Variants in CNTNAP2 observed in about 807,000 individuals in gnomAD.
CNTNAP2 encodes the protein contactin-associated protein-like 2.
Under a neutral mutation model 155.2 loss-of-function variants are expected in CNTNAP2, and 98 were observed. The ratio of observed to expected loss-of-function variants is 0.63; its 90% CI spans 0.54 to 0.75. The LOEUF (loss-of-function observed/expected upper bound fraction) is 0.75, where lower values mean the gene tolerates loss of function less well. CNTNAP2 is among the 30% of genes least tolerant of loss of function. The probability of loss-of-function intolerance (pLI) is 0.00; values close to 1 mark genes in which losing one functional copy is unlikely to be tolerated. For synonymous variants in CNTNAP2, 651 were observed against 631.2 expected (o/e 1.03, Z -0.47); for missense variants, 1,727 against 1,688.1 (o/e 1.02, Z -0.40).
intron 9 of CNTNAP2, among the ~76,000 whole-genome samples, chr7:147,381,469 G>T (rs2116932411): frequency 6.6e-6 from 1 of 152,136 alleles, no homozygotes; most frequent in South Asian, 2.1e-4. Context: ...GCAGTTTGTG[G>T]ATATAAGGAA....
intron 1 of CNTNAP2, among the ~76,000 whole-genome samples, chr7:146,218,540 C>CA (rs78215145): frequency 0.69 from 104,639 of 151,084 alleles, 37,039 homozygotes; most frequent in East Asian, 0.93. Flanking sequence ...AACAAACAAA[C>CA]AAAAAAAATT....
chr7:148,208,177 G>A (rs1795485979), intron 18 of CNTNAP2, among the ~76,000 whole-genome samples: 1 of 152,236 alleles, frequency 6.6e-6, no homozygotes, highest in African/African-American at 2.4e-5. Context: ...GCCCAAGAGA[G>A]AACAGATGCA....
intron 1 of CNTNAP2, among the ~76,000 whole-genome samples, chr7:146,174,503 G>A (rs930962505): frequency 2.0e-5 from 3 of 152,082 alleles, no homozygotes; most frequent in Non-Finnish European, 4.4e-5. Context: ...TTGCCAGCAT[G>A]AGCCAATGCA....
In CNTNAP2 at chr7:146,932,787, C is replaced by G. The variant is rs570914432; in HGVS notation, c.402+92883C>G. On this transcript the variant is annotated intron_variant, in intron 3 of 23. Coordinates refer to ENST00000361727, the MANE Select transcript of CNTNAP2 (RefSeq NM_014141.6). Reference sequence around the variant, plus strand: ...CAAAAATCACAAGCATTCTTATACACCAATAACAGACAAACAGAGAGCCAA... The same window carrying G: ...CAAAAATCACAAGCATTCTTATACAGCAATAACAGACAAACAGAGAGCCAA... Among the ~76,000 whole-genome samples, 150 of 152,124 alleles carry G rather than the reference C, an allele frequency of 9.9e-4. 2 individuals are homozygous for G. Among genetic ancestry groups the G allele is most frequent in the African/African-American group, 3.1e-3 (127 of 41,480 alleles).
At chr7:147,725,778 TC>T (rs1331660300) in intron 13 of CNTNAP2, among the ~76,000 whole-genome samples, 1 of 152,058 alleles carries the variant, frequency 6.6e-6, no homozygotes, top group Admixed American at 6.6e-5. Context: ...CTTCCTGTAT[TC>T]CCACTCTGCT....
At chr7:146,239,582 A>G (rs1386004287) in intron 1 of CNTNAP2, among the ~76,000 whole-genome samples, 2 of 152,102 alleles carry the variant, frequency 1.3e-5, no homozygotes, top group Non-Finnish European at 2.9e-5. Flanking sequence ...CCTCCAGCCT[A>G]CCTCAGTGCT....
At chr7:146,728,611 C>CAA (rs35250478) in intron 1 of CNTNAP2, among the ~76,000 whole-genome samples, 122 of 115,182 alleles carry the variant, frequency 1.1e-3, no homozygotes, top group African/African-American at 2.4e-3. Flanking sequence ...TTTTAGGCTG[C>CAA]AAAAAAAAAA....
At chr7:147,878,474 A>G (rs539975853) in intron 13 of CNTNAP2, among the ~76,000 whole-genome samples, 12 of 152,106 alleles carry the variant, frequency 7.9e-5, no homozygotes, top group Non-Finnish European at 1.6e-4. Flanking sequence ...GTATTCCTTG[A>G]AAGAAAGTTA....
chr7:148,234,116 C>A (rs1388021378), intron 20 of CNTNAP2, among the ~76,000 whole-genome samples: 1 of 152,160 alleles, frequency 6.6e-6, no homozygotes. Context: ...TTCTTTATAG[C>A]AGTGCAAGAA....
intron 1 of CNTNAP2, among the ~76,000 whole-genome samples, chr7:146,330,532 A>G (rs1050643008): frequency 3.3e-5 from 5 of 152,324 alleles, no homozygotes; most frequent in African/African-American, 1.2e-4. Flanking sequence ...AAAGTATGAT[A>G]CAAGGACAGA....
intron 13 of CNTNAP2, among the ~76,000 whole-genome samples, chr7:147,668,134 T>C (rs1254655031): frequency 1.3e-5 from 2 of 151,920 alleles, no homozygotes; most frequent in African/African-American, 4.8e-5. Flanking sequence ...AACATATAGC[T>C]GAAGAAGAGG....
intron 13 of CNTNAP2, among the ~76,000 whole-genome samples, chr7:147,812,441 G>A (rs1275373776): frequency 6.6e-6 from 1 of 151,322 alleles, no homozygotes; most frequent in Non-Finnish European, 1.5e-5. Context: ...AGGTCAGCCG[G>A]AGATGTTTAC....
chr7:147,198,132 TTATAAAATGGAATA>T (rs1440887924), intron 8 of CNTNAP2, among the ~76,000 whole-genome samples: 7 of 152,044 alleles, frequency 4.6e-5, no homozygotes, highest in African/African-American at 7.2e-5. Context: ...AAACGTTTAT[TTATAAAATGGAATA>T]TATAAAATGT....
At chr7:147,775,228 AAT>A (rs111749761) in intron 13 of CNTNAP2, among the ~76,000 whole-genome samples, 10,330 of 110,130 alleles carry the variant, frequency 0.094, 1,061 homozygotes, top group East Asian at 0.21. Flanking sequence ...ATACAAAAGA[AAT>A]ATATATATAT....
At chr7:146,843,037 G>A (rs1231270043) in intron 3 of CNTNAP2, among the ~76,000 whole-genome samples, 1 of 80,140 alleles carries the variant, frequency 1.2e-5, no homozygotes, top group Non-Finnish European at 2.1e-5. Context: ...ACGGAGTCTC[G>A]CTCTGTCGCC....
intron 15 of CNTNAP2, among the ~76,000 whole-genome samples, chr7:147,989,117 A>G (rs952136924): frequency 6.6e-6 from 1 of 152,204 alleles, no homozygotes; most frequent in African/African-American, 2.4e-5. Context: ...ATGTACTTAG[A>G]AACCACCTGA....
intron 1 of CNTNAP2, among the ~76,000 whole-genome samples, chr7:146,453,826 A>G (rs1176693431): frequency 6.6e-6 from 1 of 152,186 alleles, no homozygotes; most frequent in East Asian, 1.9e-4. Flanking sequence ...AGTGAAGTTG[A>G]AGACAGCAAC....
chr7:146,800,575 C>T (rs1478534288), intron 2 of CNTNAP2, among the ~76,000 whole-genome samples: 1 of 152,086 alleles, frequency 6.6e-6, no homozygotes, highest in Non-Finnish European at 1.5e-5. Context: ...AAAGCTGCTC[C>T]CTGGCCACCA....
chr7:147,378,010 C>T (rs1271188371), intron 9 of CNTNAP2: 1 of 467,778 alleles, frequency 2.1e-6, no homozygotes, highest in South Asian at 1.6e-5. Flanking sequence ...TCTCCCTTTT[C>T]TCTCCTCTGA....
Sources: allele counts gnomAD v4.1 joint callset (sites outside exome capture counted in the v4.1 genomes callset), GRCh38; gene constraint gnomAD v4.1.1; transcripts MANE v1.5; gene names NCBI Gene and HGNC (gene_info 2026-07-23, HGNC 2026-07-21).